Variants in GTF2F2 observed in about 807,000 individuals in gnomAD.
GTF2F2 encodes ATP-dependent helicase GTF2F2.
Under a neutral mutation model 42.2 loss-of-function variants are expected in GTF2F2, and 23 were observed. The observed-to-expected ratio is 0.55, with a 90% confidence interval of 0.39 to 0.77. GTF2F2 has a LOEUF of 0.77. Among genes scored for constraint, GTF2F2 ranks in the 30% least tolerant of loss-of-function variants. The pLI is 0.00. For missense variants in GTF2F2, 261 were observed against 287.2 expected, an observed-to-expected ratio of 0.91 and a Z score of 0.66; for synonymous variants, 105 against 100.8, an observed-to-expected ratio of 1.04 and a Z score of -0.25.
intron 1 of GTF2F2, among the ~76,000 whole-genome samples, chr13:45,135,080 A>C (rs114309212): frequency 0.012 from 1,817 of 152,052 alleles, 32 homozygotes; most frequent in African/African-American, 0.037. Context: ...TAGTCTTCCA[A>C]GTAGCTGGGA....
intron 1 of GTF2F2, among the ~76,000 whole-genome samples, chr13:45,129,321 C>T (rs571410165): frequency 1.3e-5 from 2 of 152,288 alleles, no homozygotes; most frequent in Non-Finnish European, 2.9e-5. Flanking sequence ...GTGATCCTCC[C>T]ACCTCAGCCT....
Position 45,171,865 on chromosome 13 carries a change from C to CG in GTF2F2, c.304+20034_304+20035insG, listed in dbSNP as rs1372049684. 1.5e-4 allele frequency among the ~76,000 whole-genome samples: 22 copies of CG among 148,186 alleles called. 1 individual carries two copies. The highest frequency in any genetic ancestry group is 4.7e-4 in the African/African-American group (18 of 38,486). On this transcript the variant is annotated intron_variant, in intron 4 of 7. Coordinates refer to ENST00000340473, the MANE Select transcript of GTF2F2 (RefSeq NM_004128.3). ...TCCTAAAATACTTGGTCTTTTGTGA[C>CG]CTTTTTTTTTTTTTTTACTTAGCAT...
At position 45,258,986 on chromosome 13, in the gene GTF2F2, TC is replaced by T. The variant is rs758460099; in HGVS notation, c.486+6017del. On this transcript the variant is annotated intron_variant, in intron 6 of 7. Transcript: ENST00000340473. ...ACATCGTATCTAGCCTATGTAAATTTCATAGCATTCTTTTATGTATTTCATG... is the reference window on the plus strand; with the variant it reads ...ACATCGTATCTAGCCTATGTAAATTTATAGCATTCTTTTATGTATTTCATG... Among the ~76,000 whole-genome samples, 7 of 152,224 alleles carry T rather than the reference TC, an allele frequency of 4.6e-5. 1 individual carries two copies. Among genetic ancestry groups the T allele is most frequent in the Admixed American group, 3.9e-4 (6 of 15,272 alleles).
At chr13:45,132,473 C>T (rs961171085) in intron 1 of GTF2F2, among the ~76,000 whole-genome samples, 1 of 151,598 alleles carries the variant, frequency 6.6e-6, no homozygotes, top group African/African-American at 2.4e-5. Context: ...CCACATCGGC[C>T]TCTTCAATAT....
intron 1 of GTF2F2, among the ~76,000 whole-genome samples, chr13:45,127,011 A>T (rs1869041720): frequency 6.6e-6 from 1 of 152,188 alleles, no homozygotes; most frequent in Non-Finnish European, 1.5e-5. Flanking sequence ...ATATGTTGAC[A>T]GTGGTGTTTT....
intron 6 of GTF2F2, 102 bp downstream of exon 6, chr13:45,253,072 C>T: frequency 1.9e-6 from 1 of 524,512 alleles, no homozygotes; most frequent in Non-Finnish European, 3.4e-6. Flanking sequence ...ACACACCTTG[C>T]CATCAGGTGC....
intron 5 of GTF2F2, among the ~76,000 whole-genome samples, chr13:45,221,140 T>G (rs1012890882): frequency 6.6e-5 from 10 of 152,156 alleles, no homozygotes; most frequent in Non-Finnish European, 1.5e-4. Flanking sequence ...AATTCTTGGT[T>G]GTTAGCCCAC....
Position 45,278,494 on chromosome 13 carries a change from T to C in GTF2F2, c.631-4948T>C, listed in dbSNP as rs146536969. 5.0e-3 allele frequency among the ~76,000 whole-genome samples: 767 copies of C among 152,300 alleles called. 9 individuals carry two copies. Among genetic ancestry groups the C allele is most frequent in the African/African-American group, 0.017 (725 of 41,538 alleles). ...TTGTGCTGCAGCTTGGCACATAGTCTGTAATAAGACATATCCCCAATCCTA... is the reference window on the plus strand; with the variant it reads ...TTGTGCTGCAGCTTGGCACATAGTCCGTAATAAGACATATCCCCAATCCTA... On this transcript the variant is annotated intron_variant, in intron 7 of 7. Coordinates refer to ENST00000340473, the MANE Select transcript of GTF2F2 (RefSeq NM_004128.3).
intron 7 of GTF2F2, among the ~76,000 whole-genome samples, chr13:45,273,203 G>A (rs948142025): frequency 4.7e-5 from 7 of 149,876 alleles, no homozygotes; most frequent in Non-Finnish European, 8.9e-5. Flanking sequence ...TGGGATTACA[G>A]GTGTGAGCCA....
intron 5 of GTF2F2, among the ~76,000 whole-genome samples, chr13:45,242,517 G>A (rs1875369005): frequency 6.6e-6 from 1 of 152,074 alleles, no homozygotes; most frequent in African/African-American, 2.4e-5. Context: ...ATAGATGAAT[G>A]CTGGAGTGAT....
intron 4 of GTF2F2, among the ~76,000 whole-genome samples, chr13:45,185,572 G>A (rs1018679487): frequency 2.6e-5 from 4 of 152,238 alleles, no homozygotes; most frequent in African/African-American, 4.8e-5. Flanking sequence ...AATATACCCA[G>A]TAACAATGTA....
At chr13:45,141,479 C>G (rs1384465114) in intron 2 of GTF2F2, among the ~76,000 whole-genome samples, 1 of 152,134 alleles carries the variant, frequency 6.6e-6, no homozygotes, top group Non-Finnish European at 1.5e-5. Context: ...GCCCCCTTTT[C>G]CACTCTCCAG....
chr13:45,194,852 T>A (rs1342798600), intron 4 of GTF2F2: 4 of 389,006 alleles, frequency 1.0e-5, no homozygotes, highest in African/African-American at 2.0e-5. Flanking sequence ...GTAATAAGAG[T>A]TACTCAGAAT....
At chr13:45,275,515 ATTG>A (rs1345824232) in intron 7 of GTF2F2, among the ~76,000 whole-genome samples, 62 of 132,566 alleles carry the variant, frequency 4.7e-4, no homozygotes, top group Non-Finnish European at 6.1e-4. Context: ...AAGGGTTCTC[ATTG>A]TTCAATTCCC....
intron 1 of GTF2F2, among the ~76,000 whole-genome samples, chr13:45,132,567 A>T (rs1312125931): frequency 6.6e-6 from 1 of 152,304 alleles, no homozygotes; most frequent in Non-Finnish European, 1.5e-5. Flanking sequence ...CTAATTACAG[A>T]AGCGAAGTCC....
intron 4 of GTF2F2, among the ~76,000 whole-genome samples, chr13:45,174,489 A>C (rs1309187975): frequency 6.6e-6 from 1 of 152,128 alleles, no homozygotes; most frequent in Non-Finnish European, 1.5e-5. Context: ...AATGATAGTA[A>C]CTTTTTCTTT....
At chr13:45,250,051 CTTTT>C (rs780347641) in intron 5 of GTF2F2, among the ~76,000 whole-genome samples, 6 of 100,864 alleles carry the variant, frequency 5.9e-5, no homozygotes, top group Non-Finnish European at 9.5e-5. Context: ...TGCCTTATCT[CTTTT>C]TTTTTTTTTT....
At chr13:45,194,064 T>G in intron 4 of GTF2F2, 1 of 1,614,172 alleles carries the variant, frequency 6.2e-7, no homozygotes, top group South Asian at 1.1e-5. Context: ...TGCGAGACTT[T>G]ATTTTTGATA....
chr13:45,191,255 A>ATATATATATGGC lies in GTF2F2; in HGVS notation c.305-16169_305-16168insTATATATATGGC, dbSNP rs1260872563. Among the ~76,000 whole-genome samples the ATATATATATGGC allele has an allele frequency of 1.5e-3, 205 of 136,514 alleles. 2 individuals carry two copies. Among genetic ancestry groups the ATATATATATGGC allele is most frequent in the South Asian group, 6.5e-3 (29 of 4,494 alleles). 89.6% of individuals were successfully genotyped at this position (136,514 alleles called of 152,430 possible). The stretch of plus-strand genomic sequence containing the variant: ...TATATATATATATATATATATATAT[A>ATATATATATGGC]GCCATAATCTCACATTTTAAGGATG... On this transcript the variant is annotated intron_variant, in intron 4 of 7. Transcript: ENST00000340473.
Sources: allele counts gnomAD v4.1 joint callset (sites outside exome capture counted in the v4.1 genomes callset), GRCh38; gene constraint gnomAD v4.1.1; transcripts MANE v1.5; gene names NCBI Gene and HGNC (gene_info 2026-07-23, HGNC 2026-07-21).